NFKBIZ: variants seen among roughly 807,000 people sequenced by gnomAD.
The protein encoded by NFKBIZ is NF-kappa-B inhibitor zeta.
NFKBIZ carries 19 observed loss-of-function variants against 76.8 expected under a neutral mutation model. The ratio of observed to expected loss-of-function variants is 0.25; its 90% CI spans 0.17 to 0.36. The LOEUF (loss-of-function observed/expected upper bound fraction) is 0.36. NFKBIZ is among the 10% of genes least tolerant of loss of function. NFKBIZ has a pLI of 1.00. For synonymous variants in NFKBIZ, 368 were observed against 354.8 expected, an observed-to-expected ratio of 1.04 and a Z score of -0.42; for missense variants, 829 against 910.9, an observed-to-expected ratio of 0.91 and a Z score of 1.16.
At chr3:101,852,508 C>G (rs879339651) in intron 2 of NFKBIZ, among the ~76,000 whole-genome samples, 1 of 152,124 alleles carries the variant, frequency 6.6e-6, no homozygotes, top group African/African-American at 2.4e-5. Context: ...AGGGAAAAAT[C>G]AAATGGTCTT....
In NFKBIZ at chr3:101,857,186, A is replaced by ACTTTTAGAAAGCTTTAATAACCG; in HGVS notation, c.1935+4_1935+5insTTTTAGAAAGCTTTAATAACCGC. 6.8e-7 allele frequency: 1 copy of ACTTTTAGAAAGCTTTAATAACCG among 1,462,508 alleles called. No homozygotes were observed. The allele number at this position is 1,462,508 out of a possible 1,614,324, so 90.6% of individuals were successfully genotyped here. A position where few individuals can be genotyped will look rare whatever the true frequency, so the allele number is the denominator to read the frequency against. On this transcript the variant is annotated splice_donor_region_variant and intron_variant, in intron 10 of 11. Coordinates refer to ENST00000326172, the MANE Select transcript of NFKBIZ (RefSeq NM_031419.4). ...GCCTGTCTTTTGTGAATGCAAAGGT[A>ACTTTTAGAAAGCTTTAATAACCG]CACCAGAGTTGGAATGGCCTTCTGT...
rs1338643206 is a variant in NFKBIZ at position 101,852,155 on chromosome 3, G to A, written c.360G>A (p.Val120=). The change falls in exon 2 of 12, where the codon GTG becomes GTA. Residue 120 remains valine (V), a synonymous_variant. Transcript: ENST00000326172. ...AAGGTGTTCGGGTAAAGAACTCAGTGAAGGAACTCCTGTTGCACATCCGAA... is the reference window on the plus strand; with the variant it reads ...AAGGTGTTCGGGTAAAGAACTCAGTAAAGGAACTCCTGTTGCACATCCGAA... ...PFQGVRVKNS[V]KELLLHIRSH... The A allele has an allele frequency of 3.7e-6, 6 of 1,614,236 alleles. No individual in the cohort carries two copies. In the East Asian group the frequency reaches 1.3e-4, roughly 36 times the overall value.
chr3:101,849,514 G>A lies in NFKBIZ; in HGVS notation c.-115G>A, dbSNP rs1485332697. 1.6e-5 allele frequency: 15 copies of A among 918,374 alleles called. No individual in the cohort carries two copies. Among genetic ancestry groups the A allele is most frequent in the South Asian group, 1.1e-4 (3 of 26,436 alleles). 56.9% of individuals were successfully genotyped at this position (918,374 alleles called of 1,614,324 possible). On this transcript the variant is annotated 5_prime_UTR_variant, in exon 1 of 12. Transcript: ENST00000326172. ...ACCCTGGCAGTCCCGCGCCGCGCCC[G>A]TACTGGCCCGCGCCGTCCGCCCGCC... is the stretch of plus-strand genomic sequence containing the variant.
intron 2 of NFKBIZ, 87 bp downstream of exon 2, chr3:101,852,311 C>A: frequency 6.8e-7 from 1 of 1,471,636 alleles, no homozygotes; most frequent in Non-Finnish European, 9.2e-7. Context: ...GTCCAGTCAT[C>A]AAGTAAGTCA....
chr3:101,849,571 C>T lies in NFKBIZ; in HGVS notation c.-58C>T, dbSNP rs1942913567. ...TCCCTGAGCCAGCCCGGGAGGCAGC[C>T]GCGCGCAGCGAGCCGGTGGCGCAGG... is the stretch of plus-strand genomic sequence containing the variant. On this transcript the variant is annotated 5_prime_UTR_variant, in exon 1 of 12. Coordinates refer to ENST00000326172, the MANE Select transcript of NFKBIZ (RefSeq NM_031419.4). The T allele has an allele frequency of 7.0e-6, 9 of 1,287,998 alleles. No individual in the cohort carries two copies. Among genetic ancestry groups the T allele is most frequent in the Non-Finnish European group, 8.8e-6 (9 of 1,018,102 alleles). The allele number at this position is 1,287,998 out of a possible 1,614,324, so 79.8% of individuals were successfully genotyped here. A position where few individuals can be genotyped will look rare whatever the true frequency, so the allele number is the denominator to read the frequency against.
At chr3:101,840,188 G>T (rs1396484753) in intron 2 of NFKBIZ, among the ~76,000 whole-genome samples, 1 of 152,178 alleles carries the variant, frequency 6.6e-6, no homozygotes, top group Non-Finnish European at 1.5e-5. Flanking sequence ...TTTTGGAGTT[G>T]TCAACAAGTC....
chr3:101,858,685 A>G (rs765810573), intron 11 of NFKBIZ, among the ~76,000 whole-genome samples: 19 of 152,086 alleles, frequency 1.2e-4, no homozygotes, highest in Non-Finnish European at 2.1e-4. Flanking sequence ...CCCTACCCCA[A>G]TCGCCTTTCA....
At position 101,854,638 on chromosome 3, in the gene NFKBIZ, G is replaced by A. The variant is rs764120030; in HGVS notation, c.1398G>A (p.Lys466=). The A allele has an allele frequency of 1.9e-6, 3 of 1,613,968 alleles. No homozygotes were observed. Among genetic ancestry groups the A allele is most frequent in the Non-Finnish European group, 2.5e-6 (3 of 1,179,982 alleles). ...RRALSYVLAR[K]MNALHMLDIK... is the part of the protein sequence containing the mutation. ...CACTTTCCTATGTTCTTGCAAGAAA[G>A]ATGAATGCACTTCACATGCTGGATA... Residue 466 remains lysine (K), a synonymous_variant, in exon 6 of 12, where the codon AAG becomes AAA. Coordinates refer to ENST00000326172, the MANE Select transcript of NFKBIZ (RefSeq NM_031419.4).
intron 5 of NFKBIZ, 106 bp downstream of exon 5, chr3:101,853,969 T>C: frequency 1.8e-6 from 2 of 1,090,798 alleles, no homozygotes; most frequent in Non-Finnish European, 2.6e-6. Flanking sequence ...TAGTTAGTGG[T>C]TGGCTAACCA....
chr3:101,828,961 G>A (rs1942602019), intron 1 of NFKBIZ, among the ~76,000 whole-genome samples: 1 of 152,092 alleles, frequency 6.6e-6, no homozygotes, highest in South Asian at 2.1e-4. Flanking sequence ...ATCTGGCTGG[G>A]TGGAATATTT....
chr3:101,841,072 CA>C (rs1331450527), intron 2 of NFKBIZ, among the ~76,000 whole-genome samples: 1 of 152,156 alleles, frequency 6.6e-6, no homozygotes, highest in Non-Finnish European at 1.5e-5. Context: ...CTGAGATGTG[CA>C]AACCTTTTGC....
rs1942992118 is a variant in NFKBIZ, at chr3:101,852,996, AT to A, written c.564+8del. 1 of 1,613,948 alleles carries A rather than the reference AT, an allele frequency of 6.2e-7. No homozygotes were observed. The highest frequency in any genetic ancestry group is 1.3e-5 in the African/African-American group (1 of 75,032). On this transcript the variant is annotated splice_region_variant and intron_variant, in intron 4 of 11. Transcript: ENST00000326172. Reference sequence around the variant, plus strand: ...GTTGCATTCCCAATTTTTGGTAAGTATCTCACCATTTTCCTCTGACTATCCT... The same window carrying A: ...GTTGCATTCCCAATTTTTGGTAAGTACTCACCATTTTCCTCTGACTATCCT...
At chr3:101,856,937 C>G in intron 9 of NFKBIZ, 136 bp from the exon 10 acceptor site, 1 of 639,914 alleles carries the variant, frequency 1.6e-6, no homozygotes, top group Non-Finnish European at 2.8e-6. Context: ...TTAAGCAAGG[C>G]ATTTTGGAGA....
Position 101,855,882 on chromosome 3 carries a change from G to C in NFKBIZ, c.1804G>C (p.Gly602Arg). 6.2e-7 allele frequency: 1 copy of C among 1,609,178 alleles called. No homozygotes were observed. Among genetic ancestry groups the C allele is most frequent in the Non-Finnish European group, 8.5e-7 (1 of 1,177,928 alleles). Residue 602 changes from glycine (G) to arginine (R), a missense_variant, in exon 9 of 12, where the codon GGA becomes CGA. Gly to Arg is a moderately radical substitution (Grantham distance 125). Around this residue, in one of 4 missense-constraint regions of NFKBIZ, gnomAD observed 272 missense variants for 384.2 expected, o/e 0.71. Transcript: ENST00000326172. ...VDTIKCLIQM[G>R]AAVEAKDRKS... is the part of the protein sequence containing the mutation. ...TACCATTAAGTGCCTAATTCAAATGGGAGCAGCGGTGGAAGCGAAGGTAAA... is the reference window on the plus strand; with the variant it reads ...TACCATTAAGTGCCTAATTCAAATGCGAGCAGCGGTGGAAGCGAAGGTAAA...
intron 1 of NFKBIZ, chr3:101,850,440 G>GAA (rs1322594272): frequency 6.6e-6 from 1 of 152,288 alleles, no homozygotes; most frequent in Non-Finnish European, 1.5e-5. Flanking sequence ...AAGCCGGGCT[G>GAA]AAAACCAACT....
At chr3:101,858,390 A>G (rs760884123) in intron 11 of NFKBIZ, 187 of 984,752 alleles carry the variant, frequency 1.9e-4, no homozygotes, top group Non-Finnish European at 2.1e-4. Context: ...GAGAAAATTG[A>G]TATTCAGAGA....
intron 2 of NFKBIZ, among the ~76,000 whole-genome samples, chr3:101,838,826 G>A (rs370185073): frequency 1.3e-5 from 2 of 152,178 alleles, no homozygotes; most frequent in South Asian, 2.1e-4. Flanking sequence ...TGATAGCTAT[G>A]CATGTTTGAT....
chr3:101,835,921 C>T (rs893516179), intron 2 of NFKBIZ, among the ~76,000 whole-genome samples: 1 of 152,104 alleles, frequency 6.6e-6, no homozygotes, highest in African/African-American at 2.4e-5. Flanking sequence ...ATTGCTTCCT[C>T]AAGCAAACTT....
At chr3:101,847,333 A>T (rs1031457416), upstream of NFKBIZ, among the ~76,000 whole-genome samples, 1 of 152,270 alleles carries the variant, frequency 6.6e-6, no homozygotes, top group African/African-American at 2.4e-5. Context: ...TTTTCCACAG[A>T]TAAACCAAGG....
Sources: gnomAD v4.1 joint callset for allele counts (sites outside exome capture counted in the v4.1 genomes callset) on GRCh38, gnomAD v4.1.1 for gene constraint, gnomAD v4.1.1 regional missense constraint, MANE v1.5 for transcripts, NCBI Gene and HGNC (gene_info 2026-07-23, HGNC 2026-07-21) for gene names.